Variants in IL1RAPL1 observed in about 807,000 individuals in gnomAD.
IL1RAPL1 encodes interleukin 1 receptor accessory protein like 1, also known as interleukin-1 receptor accessory protein-like 1.
In IL1RAPL1, 3 loss-of-function variants were observed where a neutral mutation model predicts 48.4. The ratio of observed to expected loss-of-function variants is 0.06; its 90% confidence interval spans 0.03 to 0.16. The LOEUF is 0.16. Ranked by LOEUF, IL1RAPL1 falls within the 10% of genes least tolerant of loss-of-function variation. IL1RAPL1 has a pLI of 1.00. For missense variants in IL1RAPL1, 349 were observed against 530.6 expected, an observed-to-expected ratio of 0.66 and a Z score of 3.36; for synonymous variants, 185 against 187.7, an observed-to-expected ratio of 0.99 and a Z score of 0.12.
chrX:28,887,010 T>C (rs1922648121), intron 2 of IL1RAPL1, among the ~76,000 whole-genome samples: 1 of 112,043 alleles, frequency 8.9e-6, no homozygotes. Flanking sequence ...AGTACATTGA[T>C]TTAACATTCA....
intron 1 of IL1RAPL1, among the ~76,000 whole-genome samples, chrX:28,748,089 T>A (rs1297973574): frequency 5.3e-5 from 6 of 112,713 alleles, no homozygotes; most frequent in Non-Finnish European, 3.7e-5. Flanking sequence ...TTATGTTTGG[T>A]TATTTTCAAA....
chrX:29,521,100 T>A (rs1488371593), intron 5 of IL1RAPL1, among the ~76,000 whole-genome samples: 2 of 112,589 alleles, frequency 1.8e-5, no homozygotes, highest in African/African-American at 6.4e-5. Flanking sequence ...TCTAAGACAA[T>A]ACATTTAATA....
At chrX:28,795,566 C>G (rs1158927784) in intron 2 of IL1RAPL1, among the ~76,000 whole-genome samples, 1 of 110,879 alleles carries the variant, frequency 9.0e-6, no homozygotes, top group Non-Finnish European at 1.9e-5. Context: ...GGAGAATATT[C>G]CAAGTTAATA....
At chrX:29,225,718 C>T (rs1931064144) in intron 2 of IL1RAPL1, among the ~76,000 whole-genome samples, 1 of 111,125 alleles carries the variant, frequency 9.0e-6, no homozygotes, top group African/African-American at 3.3e-5. Context: ...GCTAATGGTA[C>T]CTTATCAAAG....
At chrX:29,245,755 G>T (rs930216901) in intron 2 of IL1RAPL1, among the ~76,000 whole-genome samples, 1 of 111,421 alleles carries the variant, frequency 9.0e-6, no homozygotes, top group African/African-American at 3.3e-5. Flanking sequence ...TGTTTCTTTT[G>T]CTGTGCAGAA....
chrX:29,552,866 A>G (rs1389971828), intron 5 of IL1RAPL1, among the ~76,000 whole-genome samples: 2 of 86,762 alleles, frequency 2.3e-5, no homozygotes, highest in African/African-American at 9.2e-5. Flanking sequence ...TTAAGTGTCA[A>G]TAGACTTTTC....
chrX:28,922,923 T>G (rs1245743285), intron 2 of IL1RAPL1, among the ~76,000 whole-genome samples: 1 of 112,028 alleles, frequency 8.9e-6, no homozygotes, highest in East Asian at 2.8e-4. Flanking sequence ...TTATTGTATA[T>G]TTGTTAAGTA....
chrX:29,939,408 A>G (rs759601972), intron 8 of IL1RAPL1, among the ~76,000 whole-genome samples: 2 of 112,163 alleles, frequency 1.8e-5, no homozygotes, highest in Non-Finnish European at 3.8e-5. Context: ...TGTGGGCATA[A>G]GTTAGAATTT....
Position 29,933,882 on chromosome X carries a change from G to A in IL1RAPL1, c.1058-7769G>A, listed in dbSNP as rs144141782. Among the ~76,000 whole-genome samples the A allele has an allele frequency of 5.3e-3, 588 of 110,764 alleles. 6 individuals carry two copies. The highest frequency in any genetic ancestry group is 0.018 in the African/African-American group (552 of 30,624). On this transcript the variant is annotated intron_variant, in intron 8 of 10. Coordinates refer to ENST00000378993, the MANE Select transcript of IL1RAPL1 (RefSeq NM_014271.4). ...CAGTGTATCCAATTGAGAAGGTGCC[G>A]TATGAGCAGAGACTTGAAGAAGCAA... is the stretch of plus-strand genomic sequence containing the variant.
chrX:29,306,558 A>T (rs1471151338), intron 3 of IL1RAPL1, among the ~76,000 whole-genome samples: 29 of 100,451 alleles, frequency 2.9e-4, no homozygotes, highest in African/African-American at 1.1e-3. Flanking sequence ...AAAAAACGAA[A>T]AAACCAGAAA....
intron 2 of IL1RAPL1, among the ~76,000 whole-genome samples, chrX:28,883,092 A>G (rs1377518035): frequency 9.0e-6 from 1 of 111,519 alleles, no homozygotes; most frequent in African/African-American, 3.3e-5. Context: ...AATCCCCATA[A>G]TAACCACAAA....
chrX:29,698,821 G>A (rs1311049649), intron 6 of IL1RAPL1, among the ~76,000 whole-genome samples: 1 of 112,034 alleles, frequency 8.9e-6, no homozygotes, highest in African/African-American at 3.2e-5. Flanking sequence ...AGTTAGAAGT[G>A]GGAAGTTCCT....
rs1221835796 is a variant in IL1RAPL1, at chrX:28,847,319, T to C, written c.82+57894T>C. The stretch of plus-strand genomic sequence containing the variant: ...CCAGTGCCCCTTGTCTCTCACCTGT[T>C]TTATTTCAATAGTCTTGTTACTGTT... On this transcript the variant is annotated intron_variant, in intron 2 of 10. Coordinates refer to ENST00000378993, the MANE Select transcript of IL1RAPL1 (RefSeq NM_014271.4). Among the ~76,000 whole-genome samples, 14 of 111,457 alleles carry C rather than the reference T, an allele frequency of 1.3e-4. No individual in the cohort carries two copies. The Admixed American group carries it at 1.3e-3, about 11-fold the overall frequency.
At chrX:29,048,286 A>G (rs1234613989) in intron 2 of IL1RAPL1, among the ~76,000 whole-genome samples, 2 of 112,279 alleles carry the variant, frequency 1.8e-5, no homozygotes, top group Middle Eastern at 4.7e-3. Flanking sequence ...ACTAATAAAT[A>G]TGGTTTCTTT....
At chrX:29,868,922 T>C (rs755837268) in intron 6 of IL1RAPL1, among the ~76,000 whole-genome samples, 102 of 111,866 alleles carry the variant, frequency 9.1e-4, no homozygotes, top group Non-Finnish European at 1.4e-3. Context: ...CAATTTGGGT[T>C]AGATTTCCAC....
chrX:29,696,522 A>G (rs183837182), intron 6 of IL1RAPL1, among the ~76,000 whole-genome samples: 1 of 112,065 alleles, frequency 8.9e-6, no homozygotes, highest in African/African-American at 3.2e-5. Flanking sequence ...GGTAGAATAA[A>G]TGCAATTTGA....
chrX:29,285,010 A>G lies in IL1RAPL1; in HGVS notation c.362+1793A>G, dbSNP rs370223075. Among the ~76,000 whole-genome samples, 40 of 111,590 alleles carry G rather than the reference A, an allele frequency of 3.6e-4. No individual in the cohort carries two copies. In the South Asian group the frequency reaches 0.015, roughly 42 times the overall value. ...AATCATTATTTCTGATTGTTCATGC[A>G]TGTCGTAAGGTGATTCTTCAAGATA... On this transcript the variant is annotated intron_variant, in intron 3 of 10. Coordinates refer to ENST00000378993, the MANE Select transcript of IL1RAPL1 (RefSeq NM_014271.4).
chrX:28,936,539 GATATA>G (rs1282655229), intron 2 of IL1RAPL1, among the ~76,000 whole-genome samples: 1 of 109,899 alleles, frequency 9.1e-6, no homozygotes, highest in Non-Finnish European at 1.9e-5. Flanking sequence ...GTACTGTAAT[GATATA>G]ATAACCATTT....
chrX:28,689,300 C>T (rs1935148816), intron 1 of IL1RAPL1, among the ~76,000 whole-genome samples: 2 of 110,625 alleles, frequency 1.8e-5, no homozygotes, highest in South Asian at 7.9e-4. Flanking sequence ...CCATGCTGTT[C>T]TCATGATAGT....
Sources: gnomAD v4.1 joint callset for allele counts (sites outside exome capture counted in the v4.1 genomes callset) on GRCh38, gnomAD v4.1.1 for gene constraint, MANE v1.5 for transcripts, NCBI Gene and HGNC (gene_info 2026-07-23, HGNC 2026-07-21) for gene names.